KLF17: variants seen among roughly 807,000 people sequenced by gnomAD.
KLF17 encodes the protein Krueppel-like factor 17.
In KLF17, 31 loss-of-function variants were observed where a neutral mutation model predicts 34.2. The ratio of observed to expected loss-of-function variants is 0.91; its 90% CI spans 0.68 to 1.22. The LOEUF (loss-of-function observed/expected upper bound fraction) is 1.22. Among genes scored for constraint, KLF17 ranks in the 50% most tolerant of loss-of-function variants. The pLI, the probability that KLF17 is intolerant of heterozygous loss-of-function variation, is 0.00. For synonymous variants in KLF17, 179 were observed against 186.7 expected, an observed-to-expected ratio of 0.96 and a Z score of 0.34; for missense variants, 478 against 505.2, an observed-to-expected ratio of 0.95 and a Z score of 0.52.
At chr1:44,056,925 T>C in the KLF17 span, among the ~76,000 whole-genome samples, 2 of 151,906 alleles carry the variant, frequency 1.3e-5, no homozygotes, top group African/African-American at 4.8e-5. Context: ...GACATCCAGC[T>C]GTTACTTTTA....
chr1:44,130,391 C>T, intron 2 of KLF17, 121 bp from the exon 3 acceptor site: 1 of 1,427,490 alleles, frequency 7.0e-7, no homozygotes, highest in Non-Finnish European at 9.7e-7. Context: ...ATTGTGTTGC[C>T]CCTCCCTGGT....
At chr1:44,056,337 G>A in the KLF17 span, among the ~76,000 whole-genome samples, 2 of 152,166 alleles carry the variant, frequency 1.3e-5, no homozygotes, top group African/African-American at 4.8e-5. Context: ...AATATTGGGG[G>A]TATGTGCTCA....
At chr1:44,073,212 T>C in the KLF17 span, among the ~76,000 whole-genome samples, 2 of 142,444 alleles carry the variant, frequency 1.4e-5, no homozygotes, top group Non-Finnish European at 3.0e-5. Context: ...TCTTCTTCTT[T>C]TTTTTTTTTT....
chr1:44,082,221 A>T, the KLF17 span, among the ~76,000 whole-genome samples: 1 of 152,224 alleles, frequency 6.6e-6, no homozygotes, highest in East Asian at 1.9e-4. Context: ...AATGATCACC[A>T]ACAGTCTAAT....
chr1:44,068,804 A>G, the KLF17 span, among the ~76,000 whole-genome samples: 19,682 of 152,134 alleles, frequency 0.13, 1,487 homozygotes, highest in African/African-American at 0.21. Flanking sequence ...ACACTTCCTC[A>G]TTCTCCCCCA....
chr1:44,099,092 T>C, the KLF17 span, among the ~76,000 whole-genome samples: 1 of 152,204 alleles, frequency 6.6e-6, no homozygotes, highest in African/African-American at 2.4e-5. Flanking sequence ...TGCTACCTTT[T>C]GTGTGAGAAA....
At chr1:44,087,877 G>T in the KLF17 span, 1 of 152,114 alleles carries the variant, frequency 6.6e-6, no homozygotes, top group East Asian at 1.9e-4. Flanking sequence ...GTGTTTAATG[G>T]CAAACCTTGG....
chr1:44,066,040 G>A, the KLF17 span, among the ~76,000 whole-genome samples: 1 of 152,120 alleles, frequency 6.6e-6, no homozygotes, highest in African/African-American at 2.4e-5. Flanking sequence ...GTATGGGCTG[G>A]GCACTGTGGC....
chr1:44,073,679 C>T, the KLF17 span, among the ~76,000 whole-genome samples: 1 of 151,886 alleles, frequency 6.6e-6, no homozygotes, highest in Non-Finnish European at 1.5e-5. Context: ...AGAGGCTGGC[C>T]CTGGCTGGGA....
At chr1:44,095,726 A>T in the KLF17 span, among the ~76,000 whole-genome samples, 51 of 151,324 alleles carry the variant, frequency 3.4e-4, no homozygotes, top group East Asian at 7.8e-3. Context: ...TTGTAGAGAG[A>T]TCTTTCCCTC....
the KLF17 span, chr1:44,052,101 CT>C: frequency 1.3e-5 from 2 of 152,162 alleles, no homozygotes; most frequent in African/African-American, 4.8e-5. Context: ...ATAACAGAAC[CT>C]CCTTCACAGC....
chr1:44,062,782 T>C, the KLF17 span, among the ~76,000 whole-genome samples: 1 of 151,928 alleles, frequency 6.6e-6, no homozygotes, highest in East Asian at 1.9e-4. Context: ...ACCTCTTACA[T>C]TGCTGGTGAG....
At chr1:44,109,942 C>T in the KLF17 span, among the ~76,000 whole-genome samples, 1 of 137,704 alleles carries the variant, frequency 7.3e-6, no homozygotes, top group East Asian at 2.1e-4. Flanking sequence ...GAGTCTCACC[C>T]TGTCACCCAG....
At chr1:44,066,281 T>C in the KLF17 span, among the ~76,000 whole-genome samples, 3 of 150,624 alleles carry the variant, frequency 2.0e-5, no homozygotes, top group Non-Finnish European at 4.4e-5. Flanking sequence ...ATTGCACCAC[T>C]GTACACCAGC....
chr1:44,097,892 A>T, the KLF17 span, among the ~76,000 whole-genome samples: 1 of 152,020 alleles, frequency 6.6e-6, no homozygotes, highest in South Asian at 2.1e-4. Context: ...TTTGTCCTTC[A>T]TTCTGTTGAT....
chr1:44,119,531 G>A (rs1445283247), intron 1 of KLF17, among the ~76,000 whole-genome samples: 1 of 152,038 alleles, frequency 6.6e-6, no homozygotes, highest in South Asian at 2.1e-4. Context: ...TGAATAAATC[G>A]TTAACTGAAT....
chr1:44,127,621 TTTC>T (rs1230747079), intron 1 of KLF17, among the ~76,000 whole-genome samples: 1 of 66,724 alleles, frequency 1.5e-5, no homozygotes, highest in Middle Eastern at 6.1e-3. Flanking sequence ...TTTCTTTTCT[TTTC>T]TTTTCTTTTC....
At chr1:44,085,749 A>G in the KLF17 span, among the ~76,000 whole-genome samples, 1 of 138,568 alleles carries the variant, frequency 7.2e-6, no homozygotes, top group African/African-American at 2.7e-5. Flanking sequence ...GACTGCAATG[A>G]GCTATGATCA....
At chr1:44,111,275 C>T in the KLF17 span, among the ~76,000 whole-genome samples, 2 of 152,132 alleles carry the variant, frequency 1.3e-5, no homozygotes, top group Admixed American at 6.5e-5. Context: ...GGATTACAGG[C>T]TTAAGCCACC....
Sources: allele counts gnomAD v4.1 joint callset (sites outside exome capture counted in the v4.1 genomes callset), GRCh38; gene constraint gnomAD v4.1.1; transcripts MANE v1.5; gene names NCBI Gene and HGNC (gene_info 2026-07-23, HGNC 2026-07-21).